Variants in MAP3K13 observed in about 807,000 individuals in gnomAD.
MAP3K13 encodes leucine zipper-bearing kinase.
Under a neutral mutation model 104.0 loss-of-function variants are expected in MAP3K13, and 52 were observed. The ratio of observed to expected loss-of-function variants is 0.50; its 90% CI spans 0.40 to 0.63. The LOEUF is 0.63. Among genes scored for constraint, MAP3K13 ranks in the 20% least tolerant of loss-of-function variants. The pLI, the probability that MAP3K13 is intolerant of heterozygous loss-of-function variation, is 0.00. For missense variants in MAP3K13, 914 were observed against 1,218.5 expected (o/e 0.75, Z 3.72); for synonymous variants, 394 against 442.2 (o/e 0.89, Z 1.37).
intron 1 of MAP3K13, among the ~76,000 whole-genome samples, chr3:185,392,737 C>A (rs1028424510): frequency 2.0e-5 from 3 of 152,066 alleles, no homozygotes; most frequent in Non-Finnish European, 2.9e-5. Context: ...GACAACGGTA[C>A]AATTAGTGAG....
chr3:185,446,391 G>T (rs1412071333), intron 4 of MAP3K13, among the ~76,000 whole-genome samples: 1 of 152,052 alleles, frequency 6.6e-6, no homozygotes, highest in African/African-American at 2.4e-5. Flanking sequence ...GAGTGGCTGG[G>T]ACTACAAGCG....
intron 1 of MAP3K13, among the ~76,000 whole-genome samples, chr3:185,377,817 C>T (rs546693880): frequency 3.9e-4 from 59 of 152,366 alleles, no homozygotes; most frequent in African/African-American, 1.1e-3. Flanking sequence ...GCCGCTAAGC[C>T]GAGAAGATCT....
At chr3:185,342,709 A>C in intron 2 of MAP3K13, among the ~76,000 whole-genome samples, 1 of 152,202 alleles carries the variant, frequency 6.6e-6, no homozygotes, top group East Asian at 1.9e-4. Context: ...AGTTGTCTCT[A>C]GATGGAATAG....
chr3:185,386,220 A>G (rs1215884525), intron 1 of MAP3K13, among the ~76,000 whole-genome samples: 1 of 151,982 alleles, frequency 6.6e-6, no homozygotes, highest in Non-Finnish European at 1.5e-5. Flanking sequence ...TTACAAGAAA[A>G]AAAACAAACA....
chr3:185,411,067 G>T (rs572927236), intron 1 of MAP3K13, among the ~76,000 whole-genome samples: 1 of 151,980 alleles, frequency 6.6e-6, no homozygotes, highest in Admixed American at 6.6e-5. Context: ...CCCCTTCAAA[G>T]CTATCATCGG....
intron 1 of MAP3K13, chr3:185,285,371 TC>T: frequency 5.4e-6 from 2 of 372,658 alleles, no homozygotes; most frequent in Non-Finnish European, 9.8e-6. Flanking sequence ...TACCTCAGTC[TC>T]CTGTTCAGTG....
intron 2 of MAP3K13, chr3:185,291,523 A>C: frequency 3.4e-6 from 4 of 1,164,382 alleles, no homozygotes; most frequent in Non-Finnish European, 4.7e-6. Context: ...TAATCTGATT[A>C]ATTACTGACC....
Position 185,484,395 on chromosome 3 carries a change from C to T in MAP3K13, c.*1939C>T, listed in dbSNP as rs921951351. On this transcript the variant is annotated 3_prime_UTR_variant, in exon 14 of 14. Transcript: ENST00000265026. Reference sequence around the variant, plus strand: ...TGTCCCTGTCTCCAAGACAGATTACCGTCAAACAACCTCTCTAGATTCACT... The same window carrying T: ...TGTCCCTGTCTCCAAGACAGATTACTGTCAAACAACCTCTCTAGATTCACT... The T allele has an allele frequency of 7.2e-5, 11 of 152,160 alleles. No individual in the cohort carries two copies. The highest frequency in any genetic ancestry group is 2.7e-4 in the African/African-American group (11 of 41,414). The allele number at this position is 152,160 out of a possible 1,614,324, so 9.4% of individuals were successfully genotyped here.
rs375345801 is a variant in MAP3K13, at chr3:185,450,076, A to G, written c.1169+18A>G. The G allele has an allele frequency of 3.8e-6, 6 of 1,592,700 alleles. No homozygotes were observed. The highest frequency in any genetic ancestry group is 1.4e-5 in the African/African-American group (1 of 73,812). Reference sequence around the variant, plus strand: ...CAGACGTGGTAAGAATATTGTCTCTAAAACAATAGGGAGGTCTCTAATGTG... The same window carrying G: ...CAGACGTGGTAAGAATATTGTCTCTGAAACAATAGGGAGGTCTCTAATGTG... On this transcript the variant is annotated intron_variant, in intron 6 of 13. Transcript: ENST00000265026. This position sits in a 1 kb window ranked among gnomAD's most constrained non-coding sequence, Gnocchi z 4.2.
chr3:185,442,536 T>C (rs895951564), intron 3 of MAP3K13, among the ~76,000 whole-genome samples: 3 of 150,012 alleles, frequency 2.0e-5, no homozygotes, highest in African/African-American at 7.3e-5. Flanking sequence ...TCCTTTTTTT[T>C]CTTTTTTTTT....
At position 185,378,540 on chromosome 3, in the gene MAP3K13, A is replaced by T. The variant is rs143452674; in HGVS notation, c.-86+15172A>T. On this transcript the variant is annotated intron_variant, in intron 1 of 13. Coordinates refer to ENST00000265026, the MANE Select transcript of MAP3K13 (RefSeq NM_004721.5). ...CGGTGTGAGGAGGGGAGGTGATAGA[A>T]GGATTATAGGGTCGGGGAGCAGAGG... Among the ~76,000 whole-genome samples, 922 of 152,154 alleles carry T rather than the reference A, an allele frequency of 6.1e-3. 8 individuals are homozygous for T. The highest frequency in any genetic ancestry group is 0.02 in the African/African-American group (833 of 41,526).
intron 1 of MAP3K13, among the ~76,000 whole-genome samples, chr3:185,372,553 C>T (rs774349897): frequency 3.3e-5 from 5 of 152,174 alleles, no homozygotes; most frequent in Non-Finnish European, 7.3e-5. Context: ...TCCACCATAA[C>T]ACATTGAAAA....
chr3:185,358,254 C>T (rs1288793985), upstream of MAP3K13, among the ~76,000 whole-genome samples: 1 of 152,086 alleles, frequency 6.6e-6, no homozygotes, highest in African/African-American at 2.4e-5. Context: ...AATGAAAATT[C>T]AGTGGATTAC....
chr3:185,436,073 G>A (rs1715013168), intron 2 of MAP3K13, among the ~76,000 whole-genome samples: 1 of 152,120 alleles, frequency 6.6e-6, no homozygotes, highest in African/African-American at 2.4e-5. Flanking sequence ...GTAAGAAGGG[G>A]GAAAGGAGAA....
Position 185,423,778 on chromosome 3 carries a change from G to A in MAP3K13, c.-85-4719G>A, listed in dbSNP as rs150133846. Among the ~76,000 whole-genome samples the A allele has an allele frequency of 4.6e-3, 707 of 152,314 alleles. 6 individuals are homozygous for A. Among genetic ancestry groups the A allele is most frequent in the African/African-American group, 0.016 (660 of 41,574 alleles). ...AAGCTTTCAGAGCCCACGTGTGGCA[G>A]CAGGAGTTACCCTTGCTGCACACTG... is the stretch of plus-strand genomic sequence containing the variant. On this transcript the variant is annotated intron_variant, in intron 1 of 13. Coordinates refer to ENST00000265026, the MANE Select transcript of MAP3K13 (RefSeq NM_004721.5). This position sits in a 1 kb window ranked among gnomAD's most constrained non-coding sequence, Gnocchi z 4.1.
intron 2 of MAP3K13, among the ~76,000 whole-genome samples, chr3:185,333,110 T>A (rs1046143254): frequency 6.6e-6 from 1 of 152,190 alleles, no homozygotes; most frequent in Non-Finnish European, 1.5e-5. Context: ...AGTAATGGAA[T>A]TTTTTTCCTA....
intron 1 of MAP3K13, among the ~76,000 whole-genome samples, chr3:185,404,863 T>G (rs1713025007): frequency 1.3e-5 from 2 of 152,232 alleles, no homozygotes; most frequent in Admixed American, 1.3e-4. Flanking sequence ...ATTACAGGCA[T>G]GAGCCACCGC....
intron 2 of MAP3K13, among the ~76,000 whole-genome samples, chr3:185,295,181 GGTATTTGTTGTT>G (rs1192055428): frequency 2.0e-5 from 3 of 151,604 alleles, no homozygotes; most frequent in African/African-American, 7.3e-5. Context: ...TTTTCTTCAG[GGTATTTGTTGTT>G]GTTTTTGTTG....
intron 2 of MAP3K13, among the ~76,000 whole-genome samples, chr3:185,434,127 A>G (rs1714896616): frequency 6.6e-6 from 1 of 152,182 alleles, no homozygotes; most frequent in East Asian, 1.9e-4. Flanking sequence ...ATAATAGACA[A>G]TGATATAGAA....
Sources: gnomAD v4.1 joint callset for allele counts (sites outside exome capture counted in the v4.1 genomes callset) on GRCh38, gnomAD v4.1.1 for gene constraint, Gnocchi (gnomAD v3.1) non-coding constraint, MANE v1.5 for transcripts, NCBI Gene and HGNC (gene_info 2026-07-23, HGNC 2026-07-21) for gene names.